RAP1GAP2: variants seen among roughly 807,000 people sequenced by gnomAD.
RAP1GAP2 encodes RAP1 GTPase activating protein 2, also known as rap1 GTPase-activating protein 2.
RAP1GAP2 carries 27 observed loss-of-function variants against 95.0 expected under a neutral mutation model. The observed-to-expected ratio is 0.28, with a 90% confidence interval of 0.21 to 0.39. The LOEUF (loss-of-function observed/expected upper bound fraction) is 0.39. Ranked by LOEUF, RAP1GAP2 falls within the 10% of genes least tolerant of loss-of-function variation. RAP1GAP2 has a pLI of 1.00. For synonymous variants in RAP1GAP2, 373 were observed against 380.9 expected (o/e 0.98, Z 0.24); for missense variants, 771 against 970.0 (o/e 0.79, Z 2.72).
rs532836135 is a variant in RAP1GAP2, at chr17:3,004,924, T to C, written c.1201-445T>C. Among the ~76,000 whole-genome samples the C allele has an allele frequency of 1.2e-3, 190 of 152,280 alleles. No homozygotes were observed. The highest frequency in any genetic ancestry group is 4.4e-3 in the African/African-American group (183 of 41,564). ...GACGGGTCGGGAGAGGTCTGGATGCTCTGTTCCTCTGCGGCTAATCACCTG... is the reference window on the plus strand; with the variant it reads ...GACGGGTCGGGAGAGGTCTGGATGCCCTGTTCCTCTGCGGCTAATCACCTG... On this transcript the variant is annotated intron_variant, in intron 14 of 24. Transcript: ENST00000254695. This position sits in a 1 kb window ranked among gnomAD's most constrained non-coding sequence, Gnocchi z 4.1.
chr17:2,866,983 C>G lies in RAP1GAP2; in HGVS notation c.81-38301C>G, dbSNP rs2072640874. 6.6e-6 allele frequency among the ~76,000 whole-genome samples: 1 copy of G among 152,150 alleles called. No individual in the cohort carries two copies. Among genetic ancestry groups the G allele is most frequent in the Non-Finnish European group, 1.5e-5 (1 of 68,040 alleles). On this transcript the variant is annotated intron_variant, in intron 2 of 24. Coordinates refer to ENST00000254695, the MANE Select transcript of RAP1GAP2 (RefSeq NM_015085.5). The surrounding 1 kb of genome is among the most constrained non-coding windows in gnomAD (Gnocchi z 4.0). The stretch of plus-strand genomic sequence containing the variant: ...TGGTACAATCTCGGCTCACTGCAAC[C>G]TCCACCTCTCAGGTTCGAATGATTC...
chr17:2,929,981 C>T (rs2043090744), intron 3 of RAP1GAP2, among the ~76,000 whole-genome samples: 1 of 152,246 alleles, frequency 6.6e-6, no homozygotes, highest in African/African-American at 2.4e-5. Context: ...GAGCCACCTG[C>T]TCACCCTTCC....
At chr17:2,795,412 C>G (rs917018985), upstream of RAP1GAP2, among the ~76,000 whole-genome samples, 12 of 152,176 alleles carry the variant, frequency 7.9e-5, no homozygotes, top group African/African-American at 2.7e-4. Flanking sequence ...GACTGGGATG[C>G]GTGCAGGACA....
At chr17:2,846,955 T>A (rs1478727008) in intron 2 of RAP1GAP2, among the ~76,000 whole-genome samples, 1 of 152,212 alleles carries the variant, frequency 6.6e-6, no homozygotes, top group Non-Finnish European at 1.5e-5. Flanking sequence ...ATGGTAGTGT[T>A]GATAATAATG....
chr17:2,989,811 A>G (rs753461002), intron 11 of RAP1GAP2, among the ~76,000 whole-genome samples: 2 of 151,334 alleles, frequency 1.3e-5, no homozygotes, highest in Non-Finnish European at 2.9e-5. Context: ...TTGTAGTGTA[A>G]CCACAGAATC....
intron 1 of RAP1GAP2, among the ~76,000 whole-genome samples, chr17:2,756,788 T>C (rs938524673): frequency 1.3e-5 from 2 of 151,996 alleles, no homozygotes; most frequent in African/African-American, 4.8e-5. Context: ...AGGCACACAC[T>C]GAGAGGAAGG....
At chr17:2,930,213 TG>T (rs888833840) in intron 3 of RAP1GAP2, among the ~76,000 whole-genome samples, 1 of 152,236 alleles carries the variant, frequency 6.6e-6, no homozygotes, top group African/African-American at 2.4e-5. Flanking sequence ...GCTGTGGGTC[TG>T]GACCTTCCTA....
chr17:2,787,628 C>T (rs1365310348), intron 1 of RAP1GAP2, among the ~76,000 whole-genome samples: 3 of 152,112 alleles, frequency 2.0e-5, no homozygotes, highest in East Asian at 3.9e-4. Context: ...AGTGCAGTGG[C>T]GCCATCTCAG....
intron 12 of RAP1GAP2, among the ~76,000 whole-genome samples, chr17:2,992,762 T>G (rs1018820786): frequency 2.0e-5 from 3 of 152,144 alleles, no homozygotes; most frequent in Non-Finnish European, 4.4e-5. Context: ...CTTTTTCCTT[T>G]CCTCTCTTCC....
chr17:2,830,662 C>T (rs921122263), intron 2 of RAP1GAP2, among the ~76,000 whole-genome samples: 23 of 150,972 alleles, frequency 1.5e-4, no homozygotes, highest in Admixed American at 1.3e-3. Context: ...TGCAGTGAGC[C>T]GAGATCACAC....
chr17:2,911,418 G>C (rs555042175), intron 3 of RAP1GAP2, among the ~76,000 whole-genome samples: 96 of 152,188 alleles, frequency 6.3e-4, no homozygotes, highest in Non-Finnish European at 1.0e-3. Flanking sequence ...GAATACCGTA[G>C]GTGGTTTCCA....
chr17:2,785,909 TTTTTTTTTTTAGACAGAGATTTGCTC>T (rs976762972), intron 1 of RAP1GAP2, among the ~76,000 whole-genome samples: 9 of 150,374 alleles, frequency 6.0e-5, no homozygotes, highest in African/African-American at 2.2e-4. Flanking sequence ...CTTTTTTTTT[TTTTTTTTTTTAGACAGAGATTTGCTC>T]TTGTTGCCCA....
intron 2 of RAP1GAP2, among the ~76,000 whole-genome samples, chr17:2,815,747 G>C (rs1483126435): frequency 6.6e-6 from 1 of 152,180 alleles, no homozygotes; most frequent in Non-Finnish European, 1.5e-5. Flanking sequence ...CTCCCAAAGT[G>C]CTGGGATTAC....
chr17:2,886,855 G>A (rs1365331585), intron 2 of RAP1GAP2, among the ~76,000 whole-genome samples: 4 of 152,094 alleles, frequency 2.6e-5, no homozygotes, highest in Admixed American at 6.6e-5. Flanking sequence ...TTGCCCCTCC[G>A]GGTCCCTCAG....
chr17:2,889,863 G>GTATATA (rs748546441), intron 2 of RAP1GAP2, among the ~76,000 whole-genome samples: 1,308 of 79,372 alleles, frequency 0.016, 44 homozygotes, highest in East Asian at 0.033. Context: ...TTATGTGTGT[G>GTATATA]TATATATATA....
At position 2,963,315 on chromosome 17, in the gene RAP1GAP2, G is replaced by C; in HGVS notation, c.247-115G>C. On this transcript the variant is annotated intron_variant, in intron 5 of 24. Transcript: ENST00000254695. The surrounding 1 kb of genome is among the most constrained non-coding windows in gnomAD (Gnocchi z 4.8). ...ATTCTGAGCTGTTCTTCCATCGAAT[G>C]TTCCTCCCTCAAAGCCCCCCCACAA... 1 of 1,179,040 alleles carries C rather than the reference G, an allele frequency of 8.5e-7. No homozygotes were observed. The highest frequency in any genetic ancestry group is 1.3e-6 in the Non-Finnish European group (1 of 788,282). 73.0% of individuals were successfully genotyped at this position (1,179,040 alleles called of 1,614,324 possible).
chr17:2,920,246 C>G (rs1267845442), intron 3 of RAP1GAP2, among the ~76,000 whole-genome samples: 1 of 152,170 alleles, frequency 6.6e-6, no homozygotes, highest in East Asian at 1.9e-4. Flanking sequence ...CCCCTTTTCT[C>G]GTCGTGCTCT....
At position 3,005,186 on chromosome 17, in the gene RAP1GAP2, G is replaced by A. The variant is rs571663685; in HGVS notation, c.1201-183G>A. ...GAGAGGCTGCGGATGGCCCCACACCGTCCGGCCCCACTTCTAGGAACAGGG... is the reference window on the plus strand; with the variant it reads ...GAGAGGCTGCGGATGGCCCCACACCATCCGGCCCCACTTCTAGGAACAGGG... On this transcript the variant is annotated intron_variant, in intron 14 of 24. Transcript: ENST00000254695. The surrounding 1 kb of genome is among the most constrained non-coding windows in gnomAD (Gnocchi z 5.2). 2.0e-5 allele frequency among the ~76,000 whole-genome samples: 3 copies of A among 152,274 alleles called. No homozygotes were observed. The highest frequency in any genetic ancestry group is 4.8e-5 in the African/African-American group (2 of 41,554).
At position 2,904,173 on chromosome 17, in the gene RAP1GAP2, G is replaced by A. The variant is rs534310180; in HGVS notation, c.81-1111G>A. The stretch of plus-strand genomic sequence containing the variant: ...TTAATACGGTTCTCCCAGCCCCCTC[G>A]TCCCCTCCTGGGTACAGCCAGAGCT... On this transcript the variant is annotated intron_variant, in intron 2 of 24. Transcript: ENST00000254695. The surrounding 1 kb of genome is among the most constrained non-coding windows in gnomAD (Gnocchi z 4.7). Among the ~76,000 whole-genome samples the A allele has an allele frequency of 1.1e-4, 16 of 151,978 alleles. No individual in the cohort carries two copies. The highest frequency in any genetic ancestry group is 1.9e-4 in the Non-Finnish European group (13 of 67,994).
Sources: allele counts gnomAD v4.1 joint callset (sites outside exome capture counted in the v4.1 genomes callset), GRCh38; gene constraint gnomAD v4.1.1; non-coding constraint Gnocchi (gnomAD v3.1); transcripts MANE v1.5; gene names NCBI Gene and HGNC (gene_info 2026-07-23, HGNC 2026-07-21).